Variants in CTNNA3 observed in about 807,000 individuals in gnomAD.
The protein encoded by CTNNA3 is catenin alpha 3.
Under a neutral mutation model 95.7 loss-of-function variants are expected in CTNNA3, and 76 were observed. The ratio of observed to expected loss-of-function variants is 0.79; its 90% CI spans 0.66 to 0.96. CTNNA3 has a LOEUF of 0.96. Ranked by LOEUF, CTNNA3 falls within the 40% of genes least tolerant of loss-of-function variation. The probability of loss-of-function intolerance (pLI) is 0.00; values close to 1 mark genes in which losing one functional copy is unlikely to be tolerated. For synonymous variants in CTNNA3, 431 were observed against 374.4 expected (o/e 1.15, Z -1.74); for missense variants, 1,191 against 1,089.8 (o/e 1.09, Z -1.31).
chr10:66,107,248 T>A (rs1380759117), intron 13 of CTNNA3, among the ~76,000 whole-genome samples: 9 of 152,234 alleles, frequency 5.9e-5, no homozygotes, highest in Non-Finnish European at 1.0e-4. Context: ...GAGATATATT[T>A]CATATTTTCC....
intron 3 of CTNNA3, among the ~76,000 whole-genome samples, chr10:67,582,632 T>C (rs1461844213): frequency 1.3e-5 from 2 of 151,084 alleles, no homozygotes; most frequent in South Asian, 4.2e-4. Context: ...TTCTGTCTCG[T>C]TGATCTGTCT....
Position 67,118,423 on chromosome 10 carries a change from C to A in CTNNA3, c.1047+61894G>T, listed in dbSNP as rs75813560. 4.4e-3 allele frequency among the ~76,000 whole-genome samples: 670 copies of A among 152,074 alleles called. 6 individuals carry two copies. Among genetic ancestry groups the A allele is most frequent in the African/African-American group, 0.015 (633 of 41,538 alleles). On this transcript the variant is annotated intron_variant, in intron 7 of 17. Transcript: ENST00000433211. ...TTACAAGGACATGCCCTTCTCACTT[C>A]TGCTTTGCTCTGTTCTAAAGGATTT...
intron 13 of CTNNA3, among the ~76,000 whole-genome samples, chr10:66,219,227 G>C (rs1016995360): frequency 6.6e-6 from 1 of 152,118 alleles, no homozygotes; most frequent in African/African-American, 2.4e-5. Context: ...GGTATCGGGG[G>C]TGGGTGGCGA....
intron 7 of CTNNA3, among the ~76,000 whole-genome samples, chr10:66,798,974 T>G (rs1564690821): frequency 6.6e-6 from 1 of 151,686 alleles, no homozygotes; most frequent in South Asian, 2.1e-4. Context: ...TATGTACTGT[T>G]TCTTGGTAAA....
At chr10:66,575,891 C>A (rs1290896146) in intron 10 of CTNNA3, among the ~76,000 whole-genome samples, 2 of 152,054 alleles carry the variant, frequency 1.3e-5, no homozygotes, top group Non-Finnish European at 2.9e-5. Flanking sequence ...TTCTTTAATA[C>A]CTGTGATCAC....
chr10:67,677,597 T>C (rs1277359897), intron 1 of CTNNA3, among the ~76,000 whole-genome samples: 1 of 152,148 alleles, frequency 6.6e-6, no homozygotes, highest in Non-Finnish European at 1.5e-5. Context: ...AAAAGTCAGC[T>C]TGCACCCCCT....
intron 7 of CTNNA3, among the ~76,000 whole-genome samples, chr10:67,031,933 CAA>C (rs1350723070): frequency 2.6e-5 from 4 of 152,148 alleles, no homozygotes; most frequent in African/African-American, 7.2e-5. Flanking sequence ...TCAATAGTAA[CAA>C]TAACTTTAGC....
At chr10:67,165,380 G>C (rs771946557) in intron 7 of CTNNA3, among the ~76,000 whole-genome samples, 2 of 152,114 alleles carry the variant, frequency 1.3e-5, no homozygotes, top group Non-Finnish European at 1.5e-5. Flanking sequence ...GGGTAGGGAG[G>C]GGCAGGTGTG....
At chr10:66,938,079 A>C (rs1836962333) in intron 7 of CTNNA3, among the ~76,000 whole-genome samples, 1 of 152,196 alleles carries the variant, frequency 6.6e-6, no homozygotes, top group Admixed American at 6.5e-5. Context: ...TTATGAAGTT[A>C]TTATTGCAAA....
rs2076988057 is a variant in CTNNA3, at chr10:65,914,964, T to C, written c.*5366A>G. ...TATCCCATTTAACCCTCAGCTTCCT[T>C]GTCTGTGGAATGATATATATCCTAT... On this transcript the variant is annotated 3_prime_UTR_variant, in exon 18 of 18. Coordinates refer to ENST00000433211, the MANE Select transcript of CTNNA3 (RefSeq NM_013266.4). 1 of 152,162 alleles carries C rather than the reference T, an allele frequency of 6.6e-6. No individual in the cohort carries two copies. Among genetic ancestry groups the C allele is most frequent in the African/African-American group, 2.4e-5 (1 of 41,438 alleles). 9.4% of individuals were successfully genotyped at this position (152,162 alleles called of 1,614,324 possible).
intron 11 of CTNNA3, among the ~76,000 whole-genome samples, chr10:66,518,481 T>C (rs1413464347): frequency 6.6e-6 from 1 of 152,036 alleles, no homozygotes; most frequent in Non-Finnish European, 1.5e-5. Context: ...ACAAAAGGCT[T>C]TTCCAATATA....
chr10:66,910,776 G>A (rs1201837430), intron 7 of CTNNA3, among the ~76,000 whole-genome samples: 6 of 152,146 alleles, frequency 3.9e-5, no homozygotes, highest in Admixed American at 1.3e-4. Context: ...TTTGGTTTCC[G>A]CTCTTCTTGA....
intron 7 of CTNNA3, among the ~76,000 whole-genome samples, chr10:66,995,997 A>G (rs2132955489): frequency 6.6e-6 from 1 of 152,294 alleles, no homozygotes; most frequent in African/African-American, 2.4e-5. Flanking sequence ...TTACTATTAT[A>G]TCCTACACAA....
chr10:67,237,120 GTGTATGTATATA>G lies in CTNNA3; in HGVS notation c.580-17262_580-17251del, dbSNP rs1397533410. Among the ~76,000 whole-genome samples the G allele has an allele frequency of 3.5e-3, 55 of 15,652 alleles. 2 individuals carry two copies. Among genetic ancestry groups the G allele is most frequent in the Middle Eastern group, 0.038 (1 of 26 alleles). The allele number at this position is 15,652 out of a possible 152,430, so 10.3% of individuals were successfully genotyped here. On this transcript the variant is annotated intron_variant, in intron 5 of 17. Transcript: ENST00000433211. ...TCAATGAGTGGATAAAGAAACTATG[GTGTATGTATATA>G]TATATATATATATATATATATATAT...
At chr10:67,169,435 T>A (rs1228640972) in intron 7 of CTNNA3, among the ~76,000 whole-genome samples, 1 of 151,952 alleles carries the variant, frequency 6.6e-6, no homozygotes, top group Admixed American at 6.6e-5. Flanking sequence ...AAAAGACACG[T>A]AGACCAGTGG....
Position 67,355,374 on chromosome 10 carries a change from A to G in CTNNA3, c.580-135504T>C, listed in dbSNP as rs376537791. On this transcript the variant is annotated intron_variant, in intron 5 of 17. Transcript: ENST00000433211. The stretch of plus-strand genomic sequence containing the variant: ...GGTTGCAAAGTACCATACTGTGTGT[A>G]GCCACGAGTAGTGGATTTACTGAAT... Among the ~76,000 whole-genome samples, 8 of 152,178 alleles carry G rather than the reference A, an allele frequency of 5.3e-5. No individual in the cohort carries two copies. In the East Asian group the frequency reaches 5.8e-4, roughly 11 times the overall value.
chr10:67,216,440 G>T (rs1864364693), intron 6 of CTNNA3, among the ~76,000 whole-genome samples: 1 of 152,068 alleles, frequency 6.6e-6, no homozygotes. Flanking sequence ...TCCACTTTCA[G>T]TCGGAGGAAG....
chr10:66,094,756 C>T (rs1264062106), intron 14 of CTNNA3, among the ~76,000 whole-genome samples: 1 of 152,064 alleles, frequency 6.6e-6, no homozygotes, highest in Non-Finnish European at 1.5e-5. Context: ...GAATTCTAGC[C>T]TTTGTTCCAT....
chr10:66,493,384 G>A lies in CTNNA3; in HGVS notation c.1531+27233C>T, dbSNP rs1349218495. Among the ~76,000 whole-genome samples, 2 of 152,082 alleles carry A rather than the reference G, an allele frequency of 1.3e-5. 1 individual carries two copies. The highest frequency in any genetic ancestry group is 3.9e-4 in the East Asian group (2 of 5,170). ...GCACTGAAAACAGGAGCTTTTAATA[G>A]CTTTCTAAACTCATAAGAGCTGTAA... On this transcript the variant is annotated intron_variant, in intron 11 of 17. Transcript: ENST00000433211.
Sources: gnomAD v4.1 joint callset for allele counts (sites outside exome capture counted in the v4.1 genomes callset) on GRCh38, gnomAD v4.1.1 for gene constraint, MANE v1.5 for transcripts, NCBI Gene and HGNC (gene_info 2026-07-23, HGNC 2026-07-21) for gene names.